CHRNB4: variants seen among roughly 807,000 people sequenced by gnomAD.
CHRNB4 encodes neuronal acetylcholine receptor subunit beta-4.
In CHRNB4, 23 loss-of-function variants were observed where a neutral mutation model predicts 40.4. That is an observed-to-expected ratio of 0.57 (90% CI 0.41 to 0.81). CHRNB4 has a LOEUF of 0.81. Ranked by LOEUF, CHRNB4 falls within the 30% of genes least tolerant of loss-of-function variation. The pLI, the probability that CHRNB4 is intolerant of heterozygous loss-of-function variation, is 0.00. For synonymous variants in CHRNB4, 285 were observed against 274.4 expected (o/e 1.04, Z -0.38); for missense variants, 568 against 670.6 (o/e 0.85, Z 1.69).
chr15:78,624,925 C>T lies in CHRNB4; in HGVS notation c.*208G>A, dbSNP rs2053614463. 2.7e-6 allele frequency: 4 copies of T among 1,476,014 alleles called. No individual in the cohort carries two copies. In the East Asian group the frequency reaches 9.9e-5, roughly 37 times the overall value. The allele number at this position is 1,476,014 out of a possible 1,614,324, so 91.4% of individuals were successfully genotyped here. ...TTGAACTGTCTGAAGCTCCCTCCTA[C>T]TGGGGCTTCCTGGGATCCCTCCAAG... On this transcript the variant is annotated 3_prime_UTR_variant, in exon 6 of 6. Transcript: ENST00000261751.
intron 2 of CHRNB4, among the ~76,000 whole-genome samples, chr15:78,632,351 A>G (rs1344839699): frequency 6.6e-6 from 1 of 151,494 alleles, no homozygotes; most frequent in Non-Finnish European, 1.5e-5. Flanking sequence ...TCTGTCACCC[A>G]GGCTGGAGGG....
upstream of CHRNB4, among the ~76,000 whole-genome samples, chr15:78,641,915 G>A (rs914808589): frequency 6.6e-6 from 1 of 152,182 alleles, no homozygotes; most frequent in Non-Finnish European, 1.5e-5. Flanking sequence ...ATTCCCTTGC[G>A]GGTGGGGGGA....
chr15:78,630,808 T>C, intron 4 of CHRNB4: 2 of 447,850 alleles, frequency 4.5e-6, no homozygotes, highest in South Asian at 5.5e-5. Flanking sequence ...GAAAGGGTGC[T>C]GGGTTCAAGG....
In CHRNB4 at chr15:78,629,916, T is replaced by C. The variant is rs2053763426; in HGVS notation, c.389A>G (p.Tyr130Cys). The C allele has an allele frequency of 2.5e-6, 4 of 1,605,284 alleles. No individual in the cohort carries two copies. Among genetic ancestry groups the C allele is most frequent in the Non-Finnish European group, 3.4e-6 (4 of 1,177,246 alleles). ...NADGTYEVSV[Y>C]TNLIVRSNGS... ...GTTGGACCGGACTATCAAGTTGGTG[T>C]AGACAGACACCTCATAGGTCCCGTC... The change falls in exon 5 of 6, where the codon TAC (tyrosine) becomes TGC (cysteine). Residue 130 changes from tyrosine (Y) to cysteine (C), a missense_variant. Transcript: ENST00000261751. This position sits in a 1 kb window ranked among gnomAD's most constrained non-coding sequence, Gnocchi z 6.8.
chr15:78,645,471 A>T (rs1299620350), upstream of CHRNB4, among the ~76,000 whole-genome samples: 3 of 152,118 alleles, frequency 2.0e-5, no homozygotes, highest in Non-Finnish European at 2.9e-5. Flanking sequence ...ATCTAATGAA[A>T]ATCTTGAGTG....
intron 5 of CHRNB4, among the ~76,000 whole-genome samples, chr15:78,654,458 A>C (rs753723594): frequency 9.9e-5 from 15 of 152,266 alleles, no homozygotes; most frequent in Non-Finnish European, 1.6e-4. Context: ...GAGAGACTGC[A>C]GAGGTGAGTC....
chr15:78,635,344 T>C (rs1282001549), intron 2 of CHRNB4, 95 bp downstream of exon 2: 7 of 1,484,718 alleles, frequency 4.7e-6, no homozygotes, highest in South Asian at 1.3e-5. Context: ...AAGTCAACTA[T>C]AGTAGTTTCA....
rs956836611 is a variant in CHRNB4 at position 78,624,166 on chromosome 15, C to T, written c.*967G>A. ...CTGTGTGCCAAGCTCTGTCCTAGGCCCTGGGGATACTACCACGAATGTGAA... is the reference window on the plus strand; with the variant it reads ...CTGTGTGCCAAGCTCTGTCCTAGGCTCTGGGGATACTACCACGAATGTGAA... On this transcript the variant is annotated 3_prime_UTR_variant, in exon 6 of 6. Coordinates refer to ENST00000261751, the MANE Select transcript of CHRNB4 (RefSeq NM_000750.5). 2 of 151,954 alleles carry T rather than the reference C, an allele frequency of 1.3e-5. No homozygotes were observed. The highest frequency in any genetic ancestry group is 4.8e-5 in the African/African-American group (2 of 41,340). The allele number at this position is 151,954 out of a possible 1,614,324, so 9.4% of individuals were successfully genotyped here.
chr15:78,632,131 C>CTTTT (rs1323496068), intron 2 of CHRNB4, among the ~76,000 whole-genome samples: 1 of 144,926 alleles, frequency 6.9e-6, no homozygotes, highest in Admixed American at 7.3e-5. Flanking sequence ...CCTGCCTTCT[C>CTTTT]TTTTTCTTTC....
upstream of CHRNB4, among the ~76,000 whole-genome samples, chr15:78,643,318 T>C (rs1341561660): frequency 6.6e-6 from 1 of 152,104 alleles, no homozygotes; most frequent in African/African-American, 2.4e-5. Context: ...GGTGGGATCT[T>C]GGCTCACTGC....
intron 1 of CHRNB4, among the ~76,000 whole-genome samples, chr15:78,637,810 G>A (rs189398790): frequency 3.9e-4 from 59 of 152,274 alleles, no homozygotes; most frequent in African/African-American, 1.3e-3. Context: ...TGCACCTGCT[G>A]CCTGCTGCCC....
At chr15:78,634,676 G>T (rs978578782) in intron 2 of CHRNB4, 1 of 455,532 alleles carries the variant, frequency 2.2e-6, no homozygotes, top group African/African-American at 2.0e-5. Context: ...GCTGGACACA[G>T]CGCCCTGCAC....
chr15:78,630,675 C>T (rs928649496), intron 4 of CHRNB4, among the ~76,000 whole-genome samples: 1 of 152,218 alleles, frequency 6.6e-6, no homozygotes, highest in Non-Finnish European at 1.5e-5. Flanking sequence ...GGTGTAATCA[C>T]GACTCAGGAA....
chr15:78,651,752 C>A lies in CHRNB4; in HGVS notation c.-16+826G>T, dbSNP rs1010010647. Among the ~76,000 whole-genome samples, 7 of 152,240 alleles carry A rather than the reference C, an allele frequency of 4.6e-5. No homozygotes were observed. In the East Asian group the frequency reaches 1.3e-3, roughly 29 times the overall value. On this transcript the variant is annotated intron_variant and NMD_transcript_variant, in intron 6 of 11. Transcript: ENST00000559849. ...GGAGGGTGTAAGCGGCAAGTGCTCT[C>A]TGAGCCCTGGGAACACAAGTGAACC...
upstream of CHRNB4, among the ~76,000 whole-genome samples, chr15:78,642,222 C>T (rs1277820025): frequency 1.3e-5 from 2 of 152,218 alleles, no homozygotes; most frequent in East Asian, 1.9e-4. Context: ...ACAACAACAA[C>T]ACTGTTGAAG....
Position 78,641,088 on chromosome 15 carries a change from A to G in CHRNB4, c.46T>C (p.Cys16Arg). The G allele has an allele frequency of 6.3e-7, 1 of 1,578,366 alleles. No homozygotes were observed. The highest frequency in any genetic ancestry group is 8.6e-7 in the Non-Finnish European group (1 of 1,162,610). ...SLVLFFLVALCGRGNCRVANA... is the reference protein window; with the variant it reads ...SLVLFFLVALRGRGNCRVANA... The stretch of plus-strand genomic sequence containing the variant: ...CCCGAAAAGAACTCACCGCGCCCGC[A>G]AAGGGCGACCAGGAAGAAAAGGACC... The change falls in exon 1 of 6, where the codon TGC (cysteine) becomes CGC (arginine). Residue 16 changes from cysteine (C) to arginine (R), a missense_variant. Physicochemically the swap from Cys to Arg is radical, Grantham distance 180 (BLOSUM62 -3). Coordinates refer to ENST00000261751, the MANE Select transcript of CHRNB4 (RefSeq NM_000750.5).
At chr15:78,649,586 TG>T in intron 6 of CHRNB4, 1 of 291,902 alleles carries the variant, frequency 3.4e-6, no homozygotes. Context: ...AAAAGTTTGC[TG>T]ACCCTTGATC....
chr15:78,628,952 T>TG lies in CHRNB4; in HGVS notation c.1338+14dup. ...TTCTGTTGGGCAGGTGGGCAGGGGCTGGTTAGCAACTTACACTCTGGTCTT... is the reference window on the plus strand; with the variant it reads ...TTCTGTTGGGCAGGTGGGCAGGGGCTGGGTTAGCAACTTACACTCTGGTCTT... On this transcript the variant is annotated intron_variant, in intron 5 of 5. Coordinates refer to ENST00000261751, the MANE Select transcript of CHRNB4 (RefSeq NM_000750.5). The TG allele has an allele frequency of 6.3e-7, 1 of 1,598,424 alleles. No homozygotes were observed. The highest frequency in any genetic ancestry group is 1.3e-5 in the African/African-American group (1 of 74,776).
Position 78,625,141 on chromosome 15 carries a change from G to T in CHRNB4, c.1489C>A (p.Arg497Ser). The change falls in exon 6 of 6, where the codon CGT (arginine) becomes AGT (serine). Residue 497 changes from arginine to serine, a missense_variant. By Grantham distance (110) the Arg-to-Ser change is moderately radical. Transcript: ENST00000261751. The stretch of plus-strand genomic sequence containing the variant: ...CACAACCCAGGGGGCCCTCAGTCAC[G>T]CTGGGCAGCGTAGGGCCCCTCAGAA... The part of the protein sequence containing the change: ...AASEGPYAAQ[R>S]D 1 of 1,614,050 alleles carries T rather than the reference G, an allele frequency of 6.2e-7. No individual in the cohort carries two copies. Among genetic ancestry groups the T allele is most frequent in the Non-Finnish European group, 8.5e-7 (1 of 1,179,994 alleles).
Sources: gnomAD v4.1 joint callset for allele counts (sites outside exome capture counted in the v4.1 genomes callset) on GRCh38, gnomAD v4.1.1 for gene constraint, Gnocchi (gnomAD v3.1) non-coding constraint, MANE v1.5 for transcripts, NCBI Gene and HGNC (gene_info 2026-07-23, HGNC 2026-07-21) for gene names.